ERBIN: variants seen among roughly 807,000 people sequenced by gnomAD.
ERBIN encodes the protein densin-180-like protein.
ERBIN carries 60 observed loss-of-function variants against 158.4 expected under a neutral mutation model. That is an observed-to-expected ratio of 0.38 (90% CI 0.31 to 0.47). ERBIN has a LOEUF of 0.47. Among genes scored for constraint, ERBIN ranks in the 20% least tolerant of loss-of-function variants. The pLI, the probability that ERBIN is intolerant of heterozygous loss-of-function variation, is 0.99. For missense variants in ERBIN, 1,610 were observed against 1,648.0 expected, an observed-to-expected ratio of 0.98 and a Z score of 0.40; for synonymous variants, 594 against 557.2, an observed-to-expected ratio of 1.07 and a Z score of -0.93.
intron 1 of ERBIN, among the ~76,000 whole-genome samples, chr5:65,963,354 A>T (rs1748133300): frequency 6.6e-6 from 1 of 152,188 alleles, no homozygotes; most frequent in Admixed American, 6.5e-5. Context: ...TCACTCTGTC[A>T]ACTATATCTA....
At chr5:66,025,202 A>G in intron 10 of ERBIN, 1 of 391,150 alleles carries the variant, frequency 2.6e-6, no homozygotes, top group Non-Finnish European at 4.6e-6. Flanking sequence ...CAGAGCTACA[A>G]CAGTGAACAA....
At chr5:65,962,119 G>T (rs1472281076) in intron 1 of ERBIN, among the ~76,000 whole-genome samples, 1 of 152,294 alleles carries the variant, frequency 6.6e-6, no homozygotes, top group African/African-American at 2.4e-5. Context: ...ATTTGTAAAT[G>T]TATAATGTAT....
rs570492347 is a variant in ERBIN, at chr5:66,053,295, CTT to C, written c.2088-108_2088-107del. The C allele has an allele frequency of 5.9e-5, 34 of 575,836 alleles. No homozygotes were observed. In the African/African-American group the frequency reaches 6.4e-4, roughly 11 times the overall value. 35.7% of individuals were successfully genotyped at this position (575,836 alleles called of 1,614,324 possible). A position where few individuals can be genotyped will look rare whatever the true frequency, so the allele number is the denominator to read the frequency against. ...GATAATAAATGCCTTTTGTCTTTGA[CTT>C]TTATTAACTTTTTTAACTTGTCTAC... On this transcript the variant is annotated intron_variant, in intron 20 of 25. Coordinates refer to ENST00000284037, the MANE Select transcript of ERBIN (RefSeq NM_001253697.2).
intron 1 of ERBIN, among the ~76,000 whole-genome samples, chr5:65,961,514 T>G (rs1392630580): frequency 2.6e-5 from 4 of 152,106 alleles, no homozygotes; most frequent in Admixed American, 2.6e-4. Flanking sequence ...TGTATATGTA[T>G]TAATTGTAAT....
intron 14 of ERBIN, among the ~76,000 whole-genome samples, chr5:66,030,635 T>C (rs1351432594): frequency 1.3e-5 from 2 of 149,092 alleles, no homozygotes; most frequent in Non-Finnish European, 3.0e-5. Context: ...TAATTAAGAC[T>C]CACTGGAATC....
chr5:65,963,792 C>CT (rs5868429), intron 1 of ERBIN, among the ~76,000 whole-genome samples: 3,682 of 122,932 alleles, frequency 0.03, 173 homozygotes, highest in African/African-American at 0.098. Flanking sequence ...TCTTTCTTTT[C>CT]TTTTTTTTTT....
intron 1 of ERBIN, among the ~76,000 whole-genome samples, chr5:65,954,910 C>G (rs757224749): frequency 5.3e-5 from 8 of 151,682 alleles, no homozygotes; most frequent in Non-Finnish European, 1.2e-4. Flanking sequence ...ACTAAAAATA[C>G]AGTAATTAGC....
chr5:65,942,839 C>T (rs1019295743), intron 1 of ERBIN, among the ~76,000 whole-genome samples: 1 of 149,614 alleles, frequency 6.7e-6, no homozygotes, highest in African/African-American at 2.5e-5. Flanking sequence ...ACTCAGGAGG[C>T]GGAGGCTGTG....
Position 66,053,462 on chromosome 5 carries a change from C to A in ERBIN, c.2144C>A (p.Ser715Ter). Reference sequence around the variant, plus strand: ...CAAAATGGAGATATTTTAAACAGTTCAACAGAGGAAAAGTTCAAAGCTCAT... The same window carrying A: ...CAAAATGGAGATATTTTAAACAGTTAAACAGAGGAAAAGTTCAAAGCTCAT... The part of the protein sequence containing the change: ...LLQNGDILNS[S>*]TEEKFKAHDK... Residue 715 changes from serine (S) to a stop codon, truncating the protein, a stop_gained, in exon 21 of 26, where the codon TCA becomes TAA. Transcript: ENST00000284037. LOFTEE classifies it high-confidence loss of function. The A allele has an allele frequency of 1.3e-6, 2 of 1,591,908 alleles. No homozygotes were observed. The highest frequency in any genetic ancestry group is 1.1e-5 in the South Asian group (1 of 87,190).
intron 15 of ERBIN, among the ~76,000 whole-genome samples, chr5:66,038,736 A>T (rs1242780657): frequency 6.6e-6 from 1 of 152,064 alleles, no homozygotes; most frequent in Non-Finnish European, 1.5e-5. Context: ...ACTTAAAAAC[A>T]TTTAGCTGTA....
intron 14 of ERBIN, among the ~76,000 whole-genome samples, chr5:66,034,253 A>G (rs1034116097): frequency 1.3e-5 from 2 of 152,028 alleles, no homozygotes; most frequent in Non-Finnish European, 2.9e-5. Flanking sequence ...AATAGTGTAC[A>G]TTATGATACT....
At chr5:66,023,119 T>C (rs1174699687) in intron 8 of ERBIN, 171 bp from the exon 9 acceptor site, 3 of 547,206 alleles carry the variant, frequency 5.5e-6, no homozygotes, top group East Asian at 3.2e-5. Flanking sequence ...TATAATGCAG[T>C]AGAAAGGCTT....
intron 21 of ERBIN, among the ~76,000 whole-genome samples, chr5:66,061,592 T>G (rs933752837): frequency 2.6e-5 from 4 of 152,220 alleles, no homozygotes; most frequent in African/African-American, 9.6e-5. Flanking sequence ...CATTATGATG[T>G]TAGCTGGTTA....
chr5:66,039,534 A>T (rs1366794130), intron 15 of ERBIN, among the ~76,000 whole-genome samples: 2 of 152,052 alleles, frequency 1.3e-5, no homozygotes, highest in Non-Finnish European at 2.9e-5. Flanking sequence ...CAAAAAACTT[A>T]GCTATTGATG....
intron 4 of ERBIN, among the ~76,000 whole-genome samples, chr5:66,006,422 C>T (rs966758244): frequency 2.5e-4 from 38 of 152,244 alleles, no homozygotes; most frequent in Non-Finnish European, 4.3e-4. Context: ...ACATGTTAGA[C>T]CTAAAACCAT....
chr5:66,076,954 T>C lies in ERBIN; in HGVS notation c.4131+5T>C. On this transcript the variant is annotated splice_donor_5th_base_variant and intron_variant, in intron 25 of 25. Coordinates refer to ENST00000284037, the MANE Select transcript of ERBIN (RefSeq NM_001253697.2). ...CCAGGTGATAAAATTATTCAGGTAA[T>C]TAAAATAAATCTTTTTTTTTTTCAT... is the stretch of plus-strand genomic sequence containing the variant. The C allele has an allele frequency of 1.3e-6, 2 of 1,570,852 alleles. No homozygotes were observed. Among genetic ancestry groups the C allele is most frequent in the Non-Finnish European group, 1.7e-6 (2 of 1,149,352 alleles).
At chr5:65,946,607 G>A (rs1745778279) in intron 1 of ERBIN, among the ~76,000 whole-genome samples, 1 of 152,146 alleles carries the variant, frequency 6.6e-6, no homozygotes, top group African/African-American at 2.4e-5. Context: ...TTCATGTAGA[G>A]GTTTTTCTGT....
At chr5:66,004,939 G>A (rs1046170687) in intron 4 of ERBIN, among the ~76,000 whole-genome samples, 5 of 152,180 alleles carry the variant, frequency 3.3e-5, no homozygotes, top group South Asian at 2.1e-4. Context: ...CAGGGAGGTG[G>A]GGATTTACAG....
Position 66,078,566 on chromosome 5 carries a change from A to T in ERBIN, c.*36A>T. ...CAAAAAAAGCGGGGAAGACAGCAAG[A>T]TTTATTGGAAGATACTTACAGGGGA... is the stretch of plus-strand genomic sequence containing the variant. On this transcript the variant is annotated 3_prime_UTR_variant, in exon 26 of 26. Transcript: ENST00000284037. 8.1e-7 allele frequency: 1 copy of T among 1,228,706 alleles called. No homozygotes were observed. Among genetic ancestry groups the T allele is most frequent in the Non-Finnish European group, 1.2e-6 (1 of 834,542 alleles). The allele number at this position is 1,228,706 out of a possible 1,614,324, so 76.1% of individuals were successfully genotyped here. A position where few individuals can be genotyped will look rare whatever the true frequency, so the allele number is the denominator to read the frequency against.
Sources: gnomAD v4.1 joint callset for allele counts (sites outside exome capture counted in the v4.1 genomes callset) on GRCh38, gnomAD v4.1.1 for gene constraint, MANE v1.5 for transcripts, NCBI Gene and HGNC (gene_info 2026-07-23, HGNC 2026-07-21) for gene names.